Variants in CFAP206 observed in about 807,000 individuals in gnomAD.
CFAP206 encodes cilia and flagella associated protein 206.
In CFAP206, 53 loss-of-function variants were observed where a neutral mutation model predicts 65.4. The ratio of observed to expected loss-of-function variants is 0.81; its 90% CI spans 0.65 to 1.02. The LOEUF (loss-of-function observed/expected upper bound fraction) is 1.02, where lower values mean the gene tolerates loss of function less well. CFAP206 is among the 50% of genes least tolerant of loss of function. The pLI, the probability that CFAP206 is intolerant of heterozygous loss-of-function variation, is 0.00. For missense variants in CFAP206, 663 were observed against 753.2 expected, an observed-to-expected ratio of 0.88 and a Z score of 1.40; for synonymous variants, 250 against 254.4, an observed-to-expected ratio of 0.98 and a Z score of 0.17.
At chr6:87,408,422 G>T (rs565979427) in intron 1 of CFAP206, 1 of 152,442 alleles carries the variant, frequency 6.6e-6, no homozygotes, top group South Asian at 2.1e-4. Flanking sequence ...AAGGTGCTGA[G>T]CCGCGTCCCT....
intron 7 of CFAP206, among the ~76,000 whole-genome samples, chr6:87,422,759 A>AG (rs34826252): frequency 6.6e-6 from 1 of 151,222 alleles, no homozygotes; most frequent in African/African-American, 2.4e-5. Context: ...TCAAAAAAAA[A>AG]AAAACAAAAC....
chr6:87,424,775 T>C (rs1305808686), intron 7 of CFAP206, among the ~76,000 whole-genome samples: 1 of 152,220 alleles, frequency 6.6e-6, no homozygotes. Flanking sequence ...CAAGTGTTGA[T>C]TTATAATGTT....
chr6:87,440,374 T>C (rs963577478), intron 11 of CFAP206, among the ~76,000 whole-genome samples: 1 of 152,146 alleles, frequency 6.6e-6, no homozygotes, highest in African/African-American at 2.4e-5. Context: ...TCTATTGATA[T>C]TTAGAGTCTG....
At position 87,416,704 on chromosome 6, in the gene CFAP206, G is replaced by A. The variant is rs774646874; in HGVS notation, c.508G>A (p.Gly170Arg). The change falls in exon 6 of 13, where the codon GGG becomes AGG. Residue 170 changes from glycine to arginine, a missense_variant. Physicochemically the swap from Gly to Arg is moderately radical, Grantham distance 125. Coordinates refer to ENST00000369562, the MANE Select transcript of CFAP206 (RefSeq NM_001031743.3). ...LQSVFPQAEL[G>R]TFLTLSKKDK... is the part of the protein sequence containing the mutation. ...GAGTGTTTTTCCTCAGGCAGAGCTTGGGACATTTCTAACTCTTTCTAAGAA... is the reference window on the plus strand; with the variant it reads ...GAGTGTTTTTCCTCAGGCAGAGCTTAGGACATTTCTAACTCTTTCTAAGAA... 1 of 1,612,532 alleles carries A rather than the reference G, an allele frequency of 6.2e-7. No individual in the cohort carries two copies. Among genetic ancestry groups the A allele is most frequent in the Admixed American group, 1.7e-5 (1 of 59,912 alleles).
intron 12 of CFAP206, 105 bp downstream of exon 12, chr6:87,461,270 T>A: frequency 1.4e-6 from 1 of 699,186 alleles, no homozygotes; most frequent in Non-Finnish European, 2.1e-6. Context: ...TAATGAGTTT[T>A]ATACAGAGTT....
At chr6:87,418,187 T>A in intron 6 of CFAP206, 21 bp from the exon 7 acceptor site, 1 of 1,612,132 alleles carries the variant, frequency 6.2e-7, no homozygotes, top group Non-Finnish European at 8.5e-7. Context: ...TATGGCTGCC[T>A]TTTCATACTC....
Position 87,418,289 on chromosome 6 carries a change from A to G in CFAP206, c.713A>G (p.Tyr238Cys). The G allele has an allele frequency of 6.2e-7, 1 of 1,614,150 alleles. No homozygotes were observed. Among genetic ancestry groups the G allele is most frequent in the South Asian group, 1.1e-5 (1 of 91,078 alleles). Residue 238 changes from tyrosine to cysteine, a missense_variant, in exon 7 of 13, where the codon TAC (tyrosine) becomes TGC (cysteine). Physicochemically the swap from Tyr to Cys is radical, Grantham distance 194. Transcript: ENST00000369562. ...YQLETARSQV[Y>C]RYTAILEKAA... ...CTTGAGACTGCCCGGAGCCAGGTAT[A>G]CCGCTACACAGCCATCCTTGAGAAG...
chr6:87,437,375 C>CA (rs1768287417), intron 11 of CFAP206, among the ~76,000 whole-genome samples: 1 of 136,346 alleles, frequency 7.3e-6, no homozygotes, highest in Non-Finnish European at 1.6e-5. Context: ...TAACTTTTGC[C>CA]GTTTTTTTTT....
intron 11 of CFAP206, among the ~76,000 whole-genome samples, chr6:87,448,116 C>A (rs1222806235): frequency 6.6e-6 from 1 of 152,010 alleles, no homozygotes; most frequent in Non-Finnish European, 1.5e-5. Flanking sequence ...GTCCACCAAC[C>A]CCTGACAGGC....
At chr6:87,422,678 A>G (rs889306459) in intron 7 of CFAP206, among the ~76,000 whole-genome samples, 21 of 147,052 alleles carry the variant, frequency 1.4e-4, no homozygotes, top group Non-Finnish European at 2.5e-4. Flanking sequence ...TTGAACGCGG[A>G]GGGTGGAGGC....
chr6:87,441,246 G>T, intron 11 of CFAP206: 2 of 211,756 alleles, frequency 9.4e-6, no homozygotes, highest in South Asian at 1.1e-4. Flanking sequence ...TAGCAATCAG[G>T]ACATTTAAAA....
rs1767653961 is a variant in CFAP206 at position 87,407,977 on chromosome 6, A to G, written c.-118A>G. On this transcript the variant is annotated 5_prime_UTR_variant, in exon 1 of 13. Coordinates refer to ENST00000369562, the MANE Select transcript of CFAP206 (RefSeq NM_001031743.3). Reference sequence around the variant, plus strand: ...CGCCCCCTCTGGTCCGGAGCCTTCCATCTCCATGGTTACGCGGCGGTGGCT... The same window carrying G: ...CGCCCCCTCTGGTCCGGAGCCTTCCGTCTCCATGGTTACGCGGCGGTGGCT... The G allele has an allele frequency of 1.0e-6, 1 of 984,250 alleles. No individual in the cohort carries two copies. The highest frequency in any genetic ancestry group is 1.2e-6 in the Non-Finnish European group (1 of 829,388). The allele number at this position is 984,250 out of a possible 1,614,324, so 61.0% of individuals were successfully genotyped here.
chr6:87,441,536 C>CCACTCT (rs1312424037), intron 11 of CFAP206: 1 of 160,226 alleles, frequency 6.2e-6, no homozygotes, highest in Non-Finnish European at 1.4e-5. Flanking sequence ...GTCACTATTT[C>CCACTCT]CACTCTCATG....
At chr6:87,449,019 C>T (rs1768495232) in intron 11 of CFAP206, among the ~76,000 whole-genome samples, 1 of 151,886 alleles carries the variant, frequency 6.6e-6, no homozygotes, top group Admixed American at 6.6e-5. Context: ...GGATATATGC[C>T]CAGCAGTGGG....
intron 11 of CFAP206, 123 bp from the exon 12 acceptor site, chr6:87,460,899 T>G: frequency 1.4e-6 from 1 of 715,380 alleles, no homozygotes; most frequent in South Asian, 2.2e-5. Context: ...TATTTACAAG[T>G]ATATTCCATG....
intron 1 of CFAP206, chr6:87,408,847 C>T (rs1330013600): frequency 6.6e-6 from 1 of 152,228 alleles, no homozygotes. Flanking sequence ...GACAAAATGC[C>T]TAGTGCTTCG....
chr6:87,460,368 T>C (rs1396956772), intron 11 of CFAP206, among the ~76,000 whole-genome samples: 1 of 152,254 alleles, frequency 6.6e-6, no homozygotes, highest in Non-Finnish European at 1.5e-5. Flanking sequence ...TAAAGAGGTT[T>C]TGATAGTTCA....
rs1768146144 is a variant in CFAP206, at chr6:87,431,018, TCTC to T, written c.1160-12_1160-10del. ...CTCACTGAATTAAAGCTTTTCTTCT[TCTC>T]CTTCATTTTAGAAGATAGAGTAAAT... is the stretch of plus-strand genomic sequence containing the variant. On this transcript the variant is annotated splice_polypyrimidine_tract_variant and intron_variant, in intron 9 of 12. Coordinates refer to ENST00000369562, the MANE Select transcript of CFAP206 (RefSeq NM_001031743.3). The T allele has an allele frequency of 1.9e-6, 3 of 1,611,078 alleles. No individual in the cohort carries two copies. The highest frequency in any genetic ancestry group is 2.7e-5 in the African/African-American group (2 of 74,644).
At chr6:87,438,201 G>T (rs1041524229) in intron 11 of CFAP206, among the ~76,000 whole-genome samples, 1 of 151,972 alleles carries the variant, frequency 6.6e-6, no homozygotes, top group Non-Finnish European at 1.5e-5. Context: ...GGTGGCTCAC[G>T]CCTGTAATCC....
Sources: gnomAD v4.1 joint callset for allele counts (sites outside exome capture counted in the v4.1 genomes callset) on GRCh38, gnomAD v4.1.1 for gene constraint, MANE v1.5 for transcripts, NCBI Gene and HGNC (gene_info 2026-07-23, HGNC 2026-07-21) for gene names.